The following CECR2 variants were observed in gnomAD, a reference collection of about 807,000 sequenced individuals.
CECR2 encodes chromatin remodeling regulator CECR2.
A neutral mutation model predicts 154.5 loss-of-function variants in CECR2; 30 were observed. The observed-to-expected ratio is 0.19, with a 90% CI of 0.15 to 0.26. The LOEUF (loss-of-function observed/expected upper bound fraction) is 0.26, where lower values mean the gene tolerates loss of function less well. Ranked by LOEUF, CECR2 falls within the 10% of genes least tolerant of loss-of-function variation. The pLI is 1.00. For missense variants in CECR2, 1,743 were observed against 1,829.3 expected (o/e 0.95, Z 0.86); for synonymous variants, 725 against 683.7 (o/e 1.06, Z -0.94).
intron 9 of CECR2, among the ~76,000 whole-genome samples, chr22:17,533,942 G>A (rs1273286039): frequency 2.0e-5 from 3 of 151,796 alleles, no homozygotes; most frequent in African/African-American, 4.8e-5. Context: ...TCGAACTCCC[G>A]ACCTCTGATG....
At chr22:17,458,500 G>A (rs1569095295) in intron 1 of CECR2, among the ~76,000 whole-genome samples, 1 of 150,466 alleles carries the variant, frequency 6.6e-6, no homozygotes, top group Non-Finnish European at 1.5e-5. Context: ...GGGTAAAATG[G>A]TGCCATTGTG....
chr22:17,396,562 T>C (rs2053815172), intron 1 of CECR2, among the ~76,000 whole-genome samples: 1 of 150,524 alleles, frequency 6.6e-6, no homozygotes, highest in Non-Finnish European at 1.5e-5. Context: ...ACAAACAAAC[T>C]GTGCATCACT....
intron 1 of CECR2, among the ~76,000 whole-genome samples, chr22:17,409,124 GT>G (rs201779763): frequency 4.6e-5 from 7 of 150,552 alleles, no homozygotes; most frequent in Admixed American, 1.3e-4. Flanking sequence ...TTGTTTTCTT[GT>G]TTTTTTTTGT....
rs1225419176 is a variant in CECR2 at position 17,557,252 on chromosome 22, G to A, written c.*4412G>A. ...CAACCTCCACCTCCCAGGTTCAAGG[G>A]ATTCGTCTGCCTCGGCCTCCCAAGT... On this transcript the variant is annotated 3_prime_UTR_variant, in exon 19 of 19. Coordinates refer to ENST00000262608, the MANE Select transcript of CECR2 (RefSeq NM_001290047.2). The A allele has an allele frequency of 6.7e-6, 1 of 150,082 alleles. No homozygotes were observed. The allele number at this position is 150,082 out of a possible 1,614,324, so 9.3% of individuals were successfully genotyped here. A position where few individuals can be genotyped will look rare whatever the true frequency, so the allele number is the denominator to read the frequency against.
chr22:17,534,499 CTTTATTTA>C (rs941598249), intron 9 of CECR2, among the ~76,000 whole-genome samples: 1 of 151,782 alleles, frequency 6.6e-6, no homozygotes, highest in African/African-American at 2.4e-5. Flanking sequence ...TATTTGATTA[CTTTATTTA>C]TTTATTTATT....
At chr22:17,536,857 A>G (rs1235351701) in intron 9 of CECR2, among the ~76,000 whole-genome samples, 1 of 151,914 alleles carries the variant, frequency 6.6e-6, no homozygotes, top group East Asian at 1.9e-4. Context: ...CTGCCCTGCC[A>G]CCTTCATCTC....
At chr22:17,388,453 C>T (rs530357800) in intron 1 of CECR2, among the ~76,000 whole-genome samples, 2 of 152,158 alleles carry the variant, frequency 1.3e-5, no homozygotes, top group East Asian at 1.9e-4. Flanking sequence ...GCATGCCCAG[C>T]GGGTGGCAGA....
chr22:17,481,937 A>G (rs1047721336), intron 2 of CECR2, among the ~76,000 whole-genome samples: 4 of 151,596 alleles, frequency 2.6e-5, no homozygotes, highest in African/African-American at 9.7e-5. Flanking sequence ...TAACACAGTG[A>G]AACCCCATCT....
chr22:17,486,261 A>G (rs1052622905), intron 2 of CECR2, among the ~76,000 whole-genome samples: 2 of 152,266 alleles, frequency 1.3e-5, no homozygotes, highest in African/African-American at 4.8e-5. Flanking sequence ...AAGGCAAAAC[A>G]AAACTGGTAT....
chr22:17,431,939 C>G (rs930957433), intron 1 of CECR2, among the ~76,000 whole-genome samples: 16 of 152,296 alleles, frequency 1.1e-4, no homozygotes, highest in Admixed American at 8.5e-4. Context: ...GCACACTCCA[C>G]TCACGTTTTT....
chr22:17,457,130 C>T (rs1165318917), intron 1 of CECR2, among the ~76,000 whole-genome samples: 2 of 152,242 alleles, frequency 1.3e-5, no homozygotes, highest in South Asian at 2.1e-4. Context: ...CGGGTTCAAG[C>T]GATTCTCCTG....
chr22:17,465,685 G>A (rs966690933), intron 1 of CECR2, among the ~76,000 whole-genome samples: 2 of 151,872 alleles, frequency 1.3e-5, no homozygotes, highest in South Asian at 2.1e-4. Flanking sequence ...GGGTTTCACC[G>A]TCTTGGCCAG....
intron 18 of CECR2, among the ~76,000 whole-genome samples, chr22:17,552,528 G>A (rs930444346): frequency 1.3e-4 from 20 of 151,982 alleles, no homozygotes; most frequent in African/African-American, 3.9e-4. Flanking sequence ...TCTCCCATGC[G>A]TTGTCTCGTG....
chr22:17,410,415 G>A (rs1431687998), intron 1 of CECR2, among the ~76,000 whole-genome samples: 2 of 131,194 alleles, frequency 1.5e-5, no homozygotes, highest in African/African-American at 4.2e-5. Context: ...TGATCCCCCT[G>A]TTTGTATAAT....
intron 1 of CECR2, among the ~76,000 whole-genome samples, chr22:17,433,217 T>A (rs2054453500): frequency 6.6e-6 from 1 of 152,204 alleles, no homozygotes; most frequent in South Asian, 2.1e-4. Flanking sequence ...TAAAAAATCT[T>A]TAGAAACACT....
intron 1 of CECR2, among the ~76,000 whole-genome samples, chr22:17,415,104 G>A (rs192665840): frequency 2.9e-4 from 44 of 152,270 alleles, no homozygotes; most frequent in African/African-American, 5.1e-4. Flanking sequence ...AGTGCCTAGC[G>A]GTGGGCACTA....
intron 1 of CECR2, among the ~76,000 whole-genome samples, chr22:17,444,770 A>G (rs933627748): frequency 6.6e-6 from 1 of 152,232 alleles, no homozygotes; most frequent in Non-Finnish European, 1.5e-5. Context: ...AGGCTTAAAC[A>G]GAAGTAAATA....
intron 7 of CECR2, among the ~76,000 whole-genome samples, chr22:17,507,490 C>T (rs2055868496): frequency 6.6e-6 from 1 of 152,172 alleles, no homozygotes; most frequent in South Asian, 2.1e-4. Context: ...TATCATCAGT[C>T]ATGGCACATT....
At chr22:17,437,905 G>A (rs925843521) in intron 1 of CECR2, among the ~76,000 whole-genome samples, 8 of 152,140 alleles carry the variant, frequency 5.3e-5, no homozygotes, top group African/African-American at 1.9e-4. Flanking sequence ...TTGAAAGATG[G>A]ATGTTACTCA....
Sources: allele counts gnomAD v4.1 joint callset (sites outside exome capture counted in the v4.1 genomes callset), GRCh38; gene constraint gnomAD v4.1.1; transcripts MANE v1.5; gene names NCBI Gene and HGNC (gene_info 2026-07-23, HGNC 2026-07-21).